Variants in CYFIP2 observed in about 807,000 individuals in gnomAD.
The protein encoded by CYFIP2 is cytoplasmic FMR1 interacting protein 2.
Under a neutral mutation model 158.7 loss-of-function variants are expected in CYFIP2, and 29 were observed. That is an observed-to-expected ratio of 0.18 (90% CI 0.14 to 0.25). The LOEUF is 0.25. Among genes scored for constraint, CYFIP2 ranks in the 10% least tolerant of loss-of-function variants. CYFIP2 has a pLI of 1.00. For synonymous variants in CYFIP2, 585 were observed against 617.6 expected (o/e 0.95, Z 0.78); for missense variants, 852 against 1,639.5 (o/e 0.52, Z 8.29).
rs138281599 is a variant in CYFIP2, at chr5:157,274,690, G to A, written c.-24+8495G>A. Among the ~76,000 whole-genome samples, 97 of 152,264 alleles carry A rather than the reference G, an allele frequency of 6.4e-4. 1 individual carries two copies. The South Asian group carries it at 8.3e-3, about 13-fold the overall frequency. Reference sequence around the variant, plus strand: ...GCGGCACCATCTTACATTCCCATTAGCAACGGTATTCTCAGTTTCTCCACA... The same window carrying A: ...GCGGCACCATCTTACATTCCCATTAACAACGGTATTCTCAGTTTCTCCACA... On this transcript the variant is annotated intron_variant, in intron 1 of 30. Transcript: ENST00000620254.
At position 157,382,574 on chromosome 5, in the gene CYFIP2, A is replaced by AC; in HGVS notation, c.3040-11dup. The AC allele has an allele frequency of 1.9e-6, 3 of 1,613,250 alleles. No individual in the cohort carries two copies. Among genetic ancestry groups the AC allele is most frequent in the Admixed American group, 1.7e-5 (1 of 59,944 alleles). On this transcript the variant is annotated splice_polypyrimidine_tract_variant and intron_variant, in intron 26 of 30. Transcript: ENST00000620254. ...AATGAAAATTGTTTTCTCTTTCTTTACCCCCATCTCTGCAGTCTCAGGAGG... is the reference window on the plus strand; with the variant it reads ...AATGAAAATTGTTTTCTCTTTCTTTACCCCCCATCTCTGCAGTCTCAGGAGG...
Position 157,359,093 on chromosome 5 carries a change from G to C in CYFIP2, c.2762G>C (p.Gly921Ala), listed in dbSNP as rs781455496. The change falls in exon 24 of 31, where the codon GGT becomes GCT. Residue 921 changes from glycine (G) to alanine (A), a missense_variant. This residue lies in a region of CYFIP2 where 191 missense variants were observed against 311.2 expected (regional missense o/e 0.61). Transcript: ENST00000620254. ...TTCAAGACTATCTGCAGACTCCTGGGTTATCAGGGCATCGCTGTGGTCATG... is the reference window on the plus strand; with the variant it reads ...TTCAAGACTATCTGCAGACTCCTGGCTTATCAGGGCATCGCTGTGGTCATG... The part of the protein sequence containing the change: ...PHFKTICRLL[G>A]YQGIAVVMEE... 6.2e-7 allele frequency: 1 copy of C among 1,614,004 alleles called. No individual in the cohort carries two copies. The highest frequency in any genetic ancestry group is 1.1e-5 in the South Asian group (1 of 91,080).
intron 23 of CYFIP2, among the ~76,000 whole-genome samples, chr5:157,349,843 G>T (rs1466357474): frequency 3.3e-5 from 5 of 152,168 alleles, no homozygotes; most frequent in African/African-American, 4.8e-5. Flanking sequence ...TTGTGGTTTT[G>T]ATTTGCATTT....
At chr5:157,314,240 T>G in intron 11 of CYFIP2, 104 bp from the exon 12 acceptor site, 2 of 1,401,366 alleles carry the variant, frequency 1.4e-6, no homozygotes, top group Non-Finnish European at 1.9e-6. Context: ...GTCAAGGGGA[T>G]GTAATAATAG....
intron 28 of CYFIP2, chr5:157,384,725 A>AG (rs1200116312): frequency 2.2e-4 from 74 of 337,894 alleles, no homozygotes; most frequent in Admixed American, 4.6e-4. Flanking sequence ...GGATCACCTC[A>AG]GGTCAGGAGG....
intron 23 of CYFIP2, among the ~76,000 whole-genome samples, chr5:157,346,136 T>C (rs978847771): frequency 2.0e-5 from 3 of 152,140 alleles, no homozygotes; most frequent in Admixed American, 6.5e-5. Flanking sequence ...CCTTTTATTT[T>C]TATTGTCTGA....
intron 21 of CYFIP2, 97 bp from the exon 22 acceptor site, chr5:157,338,960 A>G (rs759985097): frequency 1.2e-5 from 15 of 1,250,788 alleles, no homozygotes; most frequent in Non-Finnish European, 1.7e-5. Flanking sequence ...TTGTCTGAGC[A>G]GCTGTCACTT....
intron 27 of CYFIP2, 26 bp downstream of exon 27, chr5:157,382,688 T>C: frequency 6.2e-7 from 1 of 1,609,420 alleles, no homozygotes; most frequent in Non-Finnish European, 8.5e-7. Context: ...AGCAGCTGAA[T>C]AGCCAACTGG....
intron 15 of CYFIP2, among the ~76,000 whole-genome samples, chr5:157,323,170 C>T (rs1279792701): frequency 2.6e-5 from 4 of 152,208 alleles, no homozygotes; most frequent in Admixed American, 6.5e-5. Flanking sequence ...CACCCCACCG[C>T]ACTTGCATCC....
intron 22 of CYFIP2, among the ~76,000 whole-genome samples, chr5:157,339,491 C>T (rs1762090619): frequency 6.6e-6 from 1 of 152,232 alleles, no homozygotes; most frequent in Admixed American, 6.5e-5. Flanking sequence ...TCTACTGCTA[C>T]TCTGAAGTTG....
chr5:157,385,348 A>G (rs1282266797), intron 28 of CYFIP2, among the ~76,000 whole-genome samples: 1 of 152,222 alleles, frequency 6.6e-6, no homozygotes, highest in African/African-American at 2.4e-5. Flanking sequence ...CCCATTCCTC[A>G]AGAAATAGTC....
At chr5:157,317,048 T>C (rs1760205240) in intron 13 of CYFIP2, among the ~76,000 whole-genome samples, 1 of 152,168 alleles carries the variant, frequency 6.6e-6, no homozygotes, top group African/African-American at 2.4e-5. Context: ...AGAGGGTAAA[T>C]GCAACTTTAT....
At chr5:157,333,484 AT>A (rs1437229108) in intron 21 of CYFIP2, 38 bp downstream of exon 21, 1 of 1,613,530 alleles carries the variant, frequency 6.2e-7, no homozygotes, top group East Asian at 2.2e-5. Context: ...CTGCTCTGTG[AT>A]TTCTCAGACT....
chr5:157,295,887 G>C (rs77781045), intron 4 of CYFIP2, among the ~76,000 whole-genome samples: 1 of 152,188 alleles, frequency 6.6e-6, no homozygotes, highest in Non-Finnish European at 1.5e-5. Context: ...GTCTGCCATC[G>C]GATTCTGATG....
Position 157,392,872 on chromosome 5 carries a change from A to G in CYFIP2, c.3634A>G (p.Ile1212Val). 1.2e-6 allele frequency: 2 copies of G among 1,613,926 alleles called. No homozygotes were observed. Among genetic ancestry groups the G allele is most frequent in the Non-Finnish European group, 1.7e-6 (2 of 1,179,874 alleles). Residue 1212 changes from isoleucine to valine, a missense_variant, in exon 31 of 31, where the codon ATC (isoleucine) becomes GTC (valine). By Grantham distance (29) the Ile-to-Val change is conservative. This residue lies in a region of CYFIP2 where 223 missense variants were observed against 381.6 expected (regional missense o/e 0.58). Transcript: ENST00000620254. ...KMADRIRKYQ[I>V]LNNEVFAILN... ...GGCCGACCGGATCAGGAAGTATCAG[A>G]TCTTGAACAATGAGGTTTTTGCCAT...
chr5:157,316,483 G>A (rs903796565), intron 13 of CYFIP2, among the ~76,000 whole-genome samples: 16 of 152,166 alleles, frequency 1.1e-4, no homozygotes, highest in South Asian at 2.1e-4. Context: ...AGTAATTTCT[G>A]GAAACAGGTC....
chr5:157,268,849 G>A (rs1405712924), intron 1 of CYFIP2, among the ~76,000 whole-genome samples: 2 of 152,184 alleles, frequency 1.3e-5, no homozygotes, highest in Admixed American at 1.3e-4. Flanking sequence ...CCCTGCATCA[G>A]TAGTGAGATG....
chr5:157,302,767 C>A, intron 6 of CYFIP2, 27 bp from the exon 7 acceptor site: 1 of 1,549,516 alleles, frequency 6.5e-7, no homozygotes. Context: ...ACAGTCCTCT[C>A]TGCAGCACCC....
intron 13 of CYFIP2, 117 bp downstream of exon 13, chr5:157,315,211 G>GT: frequency 7.4e-7 from 1 of 1,343,864 alleles, no homozygotes; most frequent in South Asian, 1.7e-5. Flanking sequence ...GCTCTTCCCT[G>GT]TCCTACCATC....
Sources: allele counts gnomAD v4.1 joint callset (sites outside exome capture counted in the v4.1 genomes callset), GRCh38; gene constraint gnomAD v4.1.1; regional missense constraint gnomAD v4.1.1; transcripts MANE v1.5; gene names NCBI Gene and HGNC (gene_info 2026-07-23, HGNC 2026-07-21).